Variants in FAM107B observed in about 807,000 individuals in gnomAD.
FAM107B encodes the protein family with sequence similarity 107 member B.
A neutral mutation model predicts 31.5 loss-of-function variants in FAM107B; 21 were observed. That is an observed-to-expected ratio of 0.67 (90% CI 0.47 to 0.96). FAM107B has a LOEUF of 0.96. Among genes scored for constraint, FAM107B ranks in the 40% least tolerant of loss-of-function variants. The probability of loss-of-function intolerance (pLI) is 0.00; values close to 1 mark genes in which losing one functional copy is unlikely to be tolerated. For missense variants in FAM107B, 452 were observed against 377.1 expected (o/e 1.20, Z -1.64); for synonymous variants, 157 against 141.5 (o/e 1.11, Z -0.78).
chr10:14,625,152 G>A (rs1217628110), intron 2 of FAM107B, among the ~76,000 whole-genome samples: 1 of 151,772 alleles, frequency 6.6e-6, no homozygotes, highest in African/African-American at 2.4e-5. Context: ...TTAAACTCGG[G>A]GAAACAGAGG....
chr10:14,619,165 G>C (rs573119885), intron 2 of FAM107B, among the ~76,000 whole-genome samples: 1 of 152,318 alleles, frequency 6.6e-6, no homozygotes, highest in East Asian at 1.9e-4. Context: ...CCAGAAGTGC[G>C]AGAAATAAAT....
intron 2 of FAM107B, among the ~76,000 whole-genome samples, chr10:14,593,151 T>C (rs1852074338): frequency 6.6e-6 from 1 of 152,118 alleles, no homozygotes; most frequent in African/African-American, 2.4e-5. Context: ...AATTTAATAT[T>C]ATTAATTCTT....
At chr10:14,767,429 C>A (rs934957342) in intron 1 of FAM107B, among the ~76,000 whole-genome samples, 2 of 151,830 alleles carry the variant, frequency 1.3e-5, no homozygotes, top group South Asian at 4.1e-4. Flanking sequence ...CAACAAAATA[C>A]TAGCAAACAG....
chr10:14,600,540 T>C (rs1852359474), intron 2 of FAM107B, among the ~76,000 whole-genome samples: 1 of 152,108 alleles, frequency 6.6e-6, no homozygotes, highest in South Asian at 2.1e-4. Context: ...CATCATTCTT[T>C]CTGAGATACC....
intron 2 of FAM107B, among the ~76,000 whole-genome samples, chr10:14,579,775 C>T (rs1851575476): frequency 6.6e-6 from 1 of 152,160 alleles, no homozygotes; most frequent in African/African-American, 2.4e-5. Flanking sequence ...CCTGTAATCC[C>T]AGCATTTGGG....
intron 1 of FAM107B, among the ~76,000 whole-genome samples, chr10:14,730,478 G>A (rs756520628): frequency 5.9e-5 from 9 of 152,244 alleles, no homozygotes; most frequent in Non-Finnish European, 1.2e-4. Flanking sequence ...GGAAGCCCAG[G>A]GAGGGAAGGT....
chr10:14,522,022 G>C lies in FAM107B; in HGVS notation c.654-3C>G. On this transcript the variant is annotated splice_polypyrimidine_tract_variant and splice_region_variant and intron_variant, in intron 3 of 4. Transcript: ENST00000181796. Reference sequence around the variant, plus strand: ...GTTTGTTCTGAGGAGCAAGACCCCTGCGAAAGAGCATTAACAAAAATAGAA... The same window carrying C: ...GTTTGTTCTGAGGAGCAAGACCCCTCCGAAAGAGCATTAACAAAAATAGAA... 1 of 1,600,728 alleles carries C rather than the reference G, an allele frequency of 6.2e-7. No individual in the cohort carries two copies. Among genetic ancestry groups the C allele is most frequent in the Non-Finnish European group, 8.5e-7 (1 of 1,176,938 alleles).
chr10:14,547,426 CA>C (rs1848801584), intron 2 of FAM107B, among the ~76,000 whole-genome samples: 1 of 152,090 alleles, frequency 6.6e-6, no homozygotes, highest in African/African-American at 2.4e-5. Context: ...GTGGGTCAAA[CA>C]GGTTTGTTTC....
At chr10:14,626,507 TC>T (rs67951803) in intron 2 of FAM107B, among the ~76,000 whole-genome samples, 44,159 of 128,496 alleles carry the variant, frequency 0.34, 9,945 homozygotes, top group East Asian at 0.65. Flanking sequence ...ATCTTTTTTT[TC>T]TTTTTTTTTT....
Position 14,553,278 on chromosome 10 carries a change from T to G in FAM107B, c.470-22763A>C. 3.6e-6 allele frequency: 4 copies of G among 1,105,564 alleles called. No individual in the cohort carries two copies. In the South Asian group the frequency reaches 6.1e-5, roughly 17 times the overall value. 68.5% of individuals were successfully genotyped at this position (1,105,564 alleles called of 1,614,324 possible). ...TTTTCCCCTACATCATGATGAAAGC[T>G]GAGGAATAAAGATGACCGAGACAGT... On this transcript the variant is annotated intron_variant, in intron 2 of 4. Transcript: ENST00000181796.
intron 1 of FAM107B, among the ~76,000 whole-genome samples, chr10:14,698,133 A>G (rs952140679): frequency 6.6e-6 from 1 of 152,194 alleles, no homozygotes; most frequent in Non-Finnish European, 1.5e-5. Context: ...TCAAAAAAAA[A>G]AAAGAAGAAA....
chr10:14,556,547 A>T (rs950455048), intron 2 of FAM107B: 2 of 306,214 alleles, frequency 6.5e-6, no homozygotes, highest in Admixed American at 1.3e-4. Context: ...GACTTGACTG[A>T]CACCTACTGT....
chr10:14,618,439 G>A (rs749629165), intron 2 of FAM107B, among the ~76,000 whole-genome samples: 10 of 152,134 alleles, frequency 6.6e-5, no homozygotes, highest in East Asian at 5.8e-4. Context: ...TGGGACTGTC[G>A]GGTTGTATGG....
intron 1 of FAM107B, among the ~76,000 whole-genome samples, chr10:14,719,820 G>A (rs558951029): frequency 6.6e-6 from 1 of 152,258 alleles, no homozygotes; most frequent in African/African-American, 2.4e-5. Flanking sequence ...CCAAAGGGTG[G>A]GAGCTGCTTC....
Position 14,734,575 on chromosome 10 carries a change from G to T in FAM107B, c.411+39678C>A, listed in dbSNP as rs141176650. Among the ~76,000 whole-genome samples, 40 of 149,864 alleles carry T rather than the reference G, an allele frequency of 2.7e-4. No individual in the cohort carries two copies. In the East Asian group the frequency reaches 6.5e-3, roughly 24 times the overall value. Reference sequence around the variant, plus strand: ...AAGATAATTCCTTTTCTTCTAATGTGGCCCGGGGAAGCCAAAAGATTGGAC... The same window carrying T: ...AAGATAATTCCTTTTCTTCTAATGTTGCCCGGGGAAGCCAAAAGATTGGAC... On this transcript the variant is annotated intron_variant, in intron 1 of 4. Coordinates refer to ENST00000181796, the MANE Select transcript of FAM107B (RefSeq NM_031453.4).
chr10:14,552,352 T>C (rs563818229), intron 2 of FAM107B, among the ~76,000 whole-genome samples: 1 of 152,326 alleles, frequency 6.6e-6, no homozygotes, highest in South Asian at 2.1e-4. Context: ...TTTCCTTCTC[T>C]GCACAATTAG....
chr10:14,655,108 A>G (rs949919865), intron 2 of FAM107B, among the ~76,000 whole-genome samples: 2 of 152,298 alleles, frequency 1.3e-5, no homozygotes, highest in Non-Finnish European at 2.9e-5. Context: ...GAGAGGATGC[A>G]AGAGAGAGAG....
At chr10:14,594,682 C>A (rs1005112295) in intron 2 of FAM107B, among the ~76,000 whole-genome samples, 1 of 152,142 alleles carries the variant, frequency 6.6e-6, no homozygotes, top group Non-Finnish European at 1.5e-5. Flanking sequence ...GCTCTTAAAA[C>A]CCCGAGCAAG....
In FAM107B at chr10:14,519,742, G is replaced by A. The variant is rs1845451149; in HGVS notation, c.*1448C>T. Reference sequence around the variant, plus strand: ...GCTAATTAAGGATTCAAAAGCTCTAGATCCAGCTTTCTATGAGTCTTCAAA... The same window carrying A: ...GCTAATTAAGGATTCAAAAGCTCTAAATCCAGCTTTCTATGAGTCTTCAAA... On this transcript the variant is annotated 3_prime_UTR_variant, in exon 5 of 5. Coordinates refer to ENST00000181796, the MANE Select transcript of FAM107B (RefSeq NM_031453.4). The A allele has an allele frequency of 6.6e-6, 1 of 152,150 alleles. No individual in the cohort carries two copies. Among genetic ancestry groups the A allele is most frequent in the South Asian group, 2.1e-4 (1 of 4,830 alleles). The allele number at this position is 152,150 out of a possible 1,614,324, so 9.4% of individuals were successfully genotyped here. A position where few individuals can be genotyped will look rare whatever the true frequency, so the allele number is the denominator to read the frequency against.
Sources: gnomAD v4.1 joint callset for allele counts (sites outside exome capture counted in the v4.1 genomes callset) on GRCh38, gnomAD v4.1.1 for gene constraint, MANE v1.5 for transcripts, NCBI Gene and HGNC (gene_info 2026-07-23, HGNC 2026-07-21) for gene names.